Variants in PLD4 observed in about 807,000 individuals in gnomAD.
The protein encoded by PLD4 is 5'-3' exonuclease PLD4.
A neutral mutation model predicts 52.3 loss-of-function variants in PLD4; 54 were observed. That is an observed-to-expected ratio of 1.03 (90% CI 0.83 to 1.30). The LOEUF is 1.30. Among genes scored for constraint, PLD4 ranks in the 50% most tolerant of loss-of-function variants. PLD4 has a pLI of 0.00. For synonymous variants in PLD4, 264 were observed against 286.5 expected (o/e 0.92, Z 0.79); for missense variants, 731 against 671.1 (o/e 1.09, Z -0.99).
chr14:104,935,942 G>A (rs1450716191), downstream of PLD4: 1 of 152,240 alleles, frequency 6.6e-6, no homozygotes, highest in Non-Finnish European at 1.5e-5. Context: ...ACCTTGAGCA[G>A]AGAACCCAAC....
chr14:104,927,966 T>C, intron 3 of PLD4, 100 bp downstream of exon 3: 1 of 1,299,822 alleles, frequency 7.7e-7, no homozygotes, highest in Non-Finnish European at 1.0e-6. Flanking sequence ...GGGGGCCCTC[T>C]ACCAGCTCCT....
intron 3 of PLD4, 54 bp from the exon 4 acceptor site, chr14:104,928,671 AGTGGGATGGGGCAGGTGATGTGAG>A: frequency 2.8e-6 from 4 of 1,406,596 alleles, no homozygotes; most frequent in Non-Finnish European, 3.8e-6. Context: ...CTGGCTTGGC[AGTGGGATGGGGCAGGTGATGTGAG>A]GTGGGCTGGG....
intron 5 of PLD4, 48 bp downstream of exon 5, chr14:104,929,475 G>A (rs755025078): frequency 8.7e-6 from 13 of 1,497,236 alleles, no homozygotes; most frequent in Non-Finnish European, 1.2e-5. Context: ...CGTCGGGCAT[G>A]GGCTGTCTGG....
intron 2 of PLD4, 119 bp downstream of exon 2, chr14:104,927,349 A>T: frequency 2.2e-6 from 2 of 926,864 alleles, no homozygotes; most frequent in Non-Finnish European, 3.1e-6. Flanking sequence ...AGGTGCCCTG[A>T]CTGGTGGGCA....
At chr14:104,928,176 C>T (rs982678766) in intron 3 of PLD4, among the ~76,000 whole-genome samples, 4 of 152,116 alleles carry the variant, frequency 2.6e-5, no homozygotes, top group South Asian at 2.1e-4. Flanking sequence ...TGTCCCCTGC[C>T]GCCCCTCATC....
In PLD4 at chr14:104,932,300, A is replaced by C; in HGVS notation, c.1266A>C (p.Pro422=). Residue 422 remains proline (P), a synonymous_variant, in exon 10 of 11, where the codon CCA becomes CCC. Coordinates refer to ENST00000392593, the MANE Select transcript of PLD4 (RefSeq NM_138790.5). This position sits in a 1 kb window ranked among gnomAD's most constrained non-coding sequence, Gnocchi z 6.5. The part of the protein sequence containing the change: ...IVPVGNHSNI[P]FSRVNHSKFM... ...CGGTGGGGAACCATTCCAACATCCC[A>C]TTCAGCAGGGTGAACCACAGCAAGT... 1 of 1,612,634 alleles carries C rather than the reference A, an allele frequency of 6.2e-7. No homozygotes were observed. The highest frequency in any genetic ancestry group is 8.5e-7 in the Non-Finnish European group (1 of 1,179,834).
At chr14:104,931,024 G>T in intron 7 of PLD4, 82 bp downstream of exon 7, 3 of 1,489,406 alleles carry the variant, frequency 2.0e-6, no homozygotes, top group Non-Finnish European at 2.8e-6. Flanking sequence ...CTCTGGGCTG[G>T]CCCTGCAGAC....
At chr14:104,927,566 C>T (rs752065960) in intron 2 of PLD4, 107 bp from the exon 3 acceptor site, 339 of 1,276,940 alleles carry the variant, frequency 2.7e-4, no homozygotes, top group Non-Finnish European at 3.3e-4. Flanking sequence ...AGCCCAGGTC[C>T]GGGAAGTCAA....
chr14:104,928,407 C>T (rs569562980), intron 3 of PLD4, among the ~76,000 whole-genome samples: 45 of 152,328 alleles, frequency 3.0e-4, no homozygotes, highest in Admixed American at 6.5e-4. Flanking sequence ...CTACTCTGCC[C>T]GGCTTCAGGA....
At chr14:104,929,541 C>T (rs1354182193) in intron 5 of PLD4, 114 bp downstream of exon 5, 1 of 1,415,182 alleles carries the variant, frequency 7.1e-7, no homozygotes, top group Non-Finnish European at 9.3e-7. Flanking sequence ...CCTGGACTTC[C>T]CTAGGACACC....
downstream of PLD4, chr14:104,936,826 G>A (rs1402580970): frequency 2.0e-5 from 3 of 152,290 alleles, no homozygotes; most frequent in African/African-American, 7.2e-5. Context: ...CTGAAAGACT[G>A]TAGGGAAACC....
At chr14:104,927,581 GTC>G in intron 2 of PLD4, 90 bp from the exon 3 acceptor site, 1 of 1,370,798 alleles carries the variant, frequency 7.3e-7, no homozygotes, top group Non-Finnish European at 9.7e-7. Flanking sequence ...AGTCAAGACG[GTC>G]TCTGTCTCAG....
Position 104,929,301 on chromosome 14 carries a change from T to A in PLD4, c.469-6T>A. 6.3e-7 allele frequency: 1 copy of A among 1,584,164 alleles called. No individual in the cohort carries two copies. Among genetic ancestry groups the A allele is most frequent in the Non-Finnish European group, 8.6e-7 (1 of 1,165,746 alleles). ...GTCAGCTCTCATGGCTGGCCTGGCC[T>A]TGCAGGGAGAGGCTCTTCTGCAGAA... On this transcript the variant is annotated splice_region_variant and splice_polypyrimidine_tract_variant and intron_variant, in intron 4 of 10. Coordinates refer to ENST00000392593, the MANE Select transcript of PLD4 (RefSeq NM_138790.5).
rs746059278 is a variant in PLD4 at position 104,932,276 on chromosome 14, G to T, written c.1242G>T (p.Pro414=). The T allele has an allele frequency of 1.2e-6, 2 of 1,612,724 alleles. No individual in the cohort carries two copies. The highest frequency in any genetic ancestry group is 2.2e-5 in the East Asian group (1 of 44,878). Residue 414 remains proline (P), a synonymous_variant, in exon 10 of 11, where the codon CCG becomes CCT. Coordinates refer to ENST00000392593, the MANE Select transcript of PLD4 (RefSeq NM_138790.5). This position sits in a 1 kb window ranked among gnomAD's most constrained non-coding sequence, Gnocchi z 6.5. ...VSVDVKVFIV[P]VGNHSNIPFS... ...CCCCTAAGAAAGTCTTCATCGTGCC[G>T]GTGGGGAACCATTCCAACATCCCAT...
intron 1 of PLD4, among the ~76,000 whole-genome samples, chr14:104,925,363 C>T (rs902864660): frequency 1.3e-5 from 2 of 152,206 alleles, no homozygotes; most frequent in African/African-American, 4.8e-5. Flanking sequence ...CTTGAGCCAA[C>T]CTGGCTGGCG....
In PLD4 at chr14:104,932,979, T is replaced by A. The variant is rs1188394939; in HGVS notation, c.*15T>A. The A allele has an allele frequency of 3.2e-6, 5 of 1,547,720 alleles. No individual in the cohort carries two copies. In the East Asian group the frequency reaches 1.2e-4, roughly 37 times the overall value. ...GGCAGGGCTGAGGGGGGCCTCTTTT[T>A]CTCTCGGCGACCCCGCCCCGCACGC... On this transcript the variant is annotated 3_prime_UTR_variant, in exon 11 of 11. Transcript: ENST00000392593. The surrounding 1 kb of genome is among the most constrained non-coding windows in gnomAD (Gnocchi z 6.5).
Position 104,929,890 on chromosome 14 carries a change from C to A in PLD4, c.590-88C>A. 2.0e-6 allele frequency: 3 copies of A among 1,489,202 alleles called. No homozygotes were observed. The South Asian group carries it at 3.7e-5, about 19-fold the overall frequency. The allele number at this position is 1,489,202 out of a possible 1,614,324, so 92.2% of individuals were successfully genotyped here. A position where few individuals can be genotyped will look rare whatever the true frequency, so the allele number is the denominator to read the frequency against. On this transcript the variant is annotated intron_variant, in intron 5 of 10. Transcript: ENST00000392593. ...CTGTTGTGAGGACATCTGAGTCAAC[C>A]CCACTGTCAAGAGCTTGGGGTCAGG... is the stretch of plus-strand genomic sequence containing the variant.
At position 104,928,920 on chromosome 14, in the gene PLD4, G is replaced by C; in HGVS notation, c.456G>C (p.Ser152=). 6.3e-7 allele frequency: 1 copy of C among 1,599,918 alleles called. No individual in the cohort carries two copies. The highest frequency in any genetic ancestry group is 8.5e-7 in the Non-Finnish European group (1 of 1,169,652). Residue 152 remains serine, a synonymous_variant, in exon 4 of 11, where the codon TCG becomes TCC. Coordinates refer to ENST00000392593, the MANE Select transcript of PLD4 (RefSeq NM_138790.5). The part of the protein sequence containing the change: ...LTGPDIGVND[S]SSQLGEALLQ... ...GGCCTGACATCGGGGTCAACGACTC[G>C]TCTTCCCAGCTGGTGCGCCCCGCCC... is the stretch of plus-strand genomic sequence containing the variant.
At chr14:104,926,985 A>C (rs1269338490) in intron 1 of PLD4, 156 bp from the exon 2 acceptor site, 5 of 574,172 alleles carry the variant, frequency 8.7e-6, no homozygotes, top group Non-Finnish European at 1.4e-5. Context: ...GCACACCCCC[A>C]ACATCCAGGG....
Sources: gnomAD v4.1 joint callset for allele counts (sites outside exome capture counted in the v4.1 genomes callset) on GRCh38, gnomAD v4.1.1 for gene constraint, Gnocchi (gnomAD v3.1) non-coding constraint, MANE v1.5 for transcripts, NCBI Gene and HGNC (gene_info 2026-07-23, HGNC 2026-07-21) for gene names.